The following NEGR1 variants were observed in gnomAD, a reference collection of about 807,000 sequenced individuals.
The protein encoded by NEGR1 is IgLON family member 4.
A neutral mutation model predicts 40.9 loss-of-function variants in NEGR1; 10 were observed. The observed-to-expected ratio is 0.24, with a 90% CI of 0.15 to 0.42. The LOEUF (loss-of-function observed/expected upper bound fraction) is 0.42. Ranked by LOEUF, NEGR1 falls within the 10% of genes least tolerant of loss-of-function variation. The pLI is 1.00. For missense variants in NEGR1, 352 were observed against 438.9 expected (o/e 0.80, Z 1.77); for synonymous variants, 185 against 166.8 (o/e 1.11, Z -0.84).
At chr1:71,977,943 T>C (rs2100332618) in intron 1 of NEGR1, among the ~76,000 whole-genome samples, 1 of 152,258 alleles carries the variant, frequency 6.6e-6, no homozygotes. Flanking sequence ...TTGCTGCTAA[T>C]GCTATTCCAA....
chr1:72,076,352 C>T (rs1647732883), intron 1 of NEGR1, among the ~76,000 whole-genome samples: 1 of 152,128 alleles, frequency 6.6e-6, no homozygotes, highest in Non-Finnish European at 1.5e-5. Context: ...AGGAAACAGA[C>T]CCTCGCAAGA....
intron 6 of NEGR1, among the ~76,000 whole-genome samples, chr1:71,533,170 A>G (rs1480580207): frequency 1.3e-5 from 2 of 151,580 alleles, no homozygotes; most frequent in African/African-American, 2.4e-5. Context: ...AGACTATAGC[A>G]TCAAGCTCTG....
intron 1 of NEGR1, among the ~76,000 whole-genome samples, chr1:72,014,949 C>T (rs1646695741): frequency 6.6e-6 from 1 of 151,992 alleles, no homozygotes; most frequent in South Asian, 2.1e-4. Context: ...CACCAAGGTT[C>T]AGGCATTTGG....
intron 1 of NEGR1, among the ~76,000 whole-genome samples, chr1:72,234,799 G>A (rs1371030117): frequency 6.6e-6 from 1 of 152,050 alleles, no homozygotes; most frequent in Non-Finnish European, 1.5e-5. Context: ...TGCTGGTCAG[G>A]TTGTATAGAA....
At chr1:71,520,085 C>G (rs1205638665) in intron 6 of NEGR1, among the ~76,000 whole-genome samples, 1 of 151,946 alleles carries the variant, frequency 6.6e-6, no homozygotes, top group Non-Finnish European at 1.5e-5. Flanking sequence ...GGATGAGAAA[C>G]TGGCTTAATT....
At chr1:71,842,200 C>T (rs1659265578) in intron 2 of NEGR1, among the ~76,000 whole-genome samples, 1 of 152,066 alleles carries the variant, frequency 6.6e-6, no homozygotes, top group Admixed American at 6.6e-5. Context: ...CTTTGTCACA[C>T]TTTGGGAGCT....
At chr1:72,014,507 C>T (rs749299030) in intron 1 of NEGR1, among the ~76,000 whole-genome samples, 4 of 151,950 alleles carry the variant, frequency 2.6e-5, no homozygotes, top group Non-Finnish European at 4.4e-5. Context: ...CTACTAATTT[C>T]ACTTTACAAT....
chr1:71,820,928 G>A (rs1407135345), intron 2 of NEGR1, among the ~76,000 whole-genome samples: 2 of 151,988 alleles, frequency 1.3e-5, no homozygotes, highest in Non-Finnish European at 2.9e-5. Context: ...GATTCTGAAA[G>A]ATAACTACAA....
chr1:72,095,290 A>G (rs1263179460), intron 1 of NEGR1, among the ~76,000 whole-genome samples: 1 of 152,152 alleles, frequency 6.6e-6, no homozygotes, highest in Non-Finnish European at 1.5e-5. Flanking sequence ...AAAATCTAAA[A>G]GGATACATAT....
At chr1:72,040,024 G>A (rs111379566) in intron 1 of NEGR1, among the ~76,000 whole-genome samples, 8 of 152,020 alleles carry the variant, frequency 5.3e-5, no homozygotes, top group African/African-American at 1.9e-4. Context: ...TCTAATGTGA[G>A]GCTGAGAATA....
intron 4 of NEGR1, among the ~76,000 whole-genome samples, chr1:71,632,941 T>C (rs1403374215): frequency 6.6e-6 from 1 of 152,072 alleles, no homozygotes; most frequent in African/African-American, 2.4e-5. Context: ...TGTCAATTCA[T>C]TAAGTGATTT....
At chr1:72,225,789 G>C (rs945502959) in intron 1 of NEGR1, among the ~76,000 whole-genome samples, 1 of 151,616 alleles carries the variant, frequency 6.6e-6, no homozygotes, top group Non-Finnish European at 1.5e-5. Context: ...AAGACAGAAA[G>C]AGAAATCAAA....
intron 6 of NEGR1, among the ~76,000 whole-genome samples, chr1:71,469,514 G>A (rs1384563413): frequency 6.6e-6 from 1 of 151,948 alleles, no homozygotes. Context: ...GAAAATAGGG[G>A]GCTGCAAATG....
intron 1 of NEGR1, among the ~76,000 whole-genome samples, chr1:72,244,313 T>C (rs1654836922): frequency 6.6e-6 from 1 of 151,902 alleles, no homozygotes; most frequent in African/African-American, 2.4e-5. Flanking sequence ...AAATGTTAGA[T>C]CTGTTAGATT....
At chr1:71,417,364 A>C (rs1646363215) in intron 6 of NEGR1, among the ~76,000 whole-genome samples, 1 of 152,164 alleles carries the variant, frequency 6.6e-6, no homozygotes, top group African/African-American at 2.4e-5. Context: ...TTTACTATAG[A>C]GCTGAAGAAA....
chr1:72,036,313 C>G (rs927596735), intron 1 of NEGR1, among the ~76,000 whole-genome samples: 4 of 151,724 alleles, frequency 2.6e-5, no homozygotes, highest in East Asian at 1.9e-4. Flanking sequence ...TGTGTAAAGC[C>G]CTCCTAGGCT....
In NEGR1 at chr1:71,916,582, G is replaced by A. The variant is rs531987413; in HGVS notation, c.409+18497C>T. The stretch of plus-strand genomic sequence containing the variant: ...AGCCTGGCCAACATGGTAAAACACC[G>A]TCTCTACTAAAAAAATACAAAAAAT... On this transcript the variant is annotated intron_variant, in intron 2 of 6. Coordinates refer to ENST00000357731, the MANE Select transcript of NEGR1 (RefSeq NM_173808.3). Among the ~76,000 whole-genome samples, 266 of 152,064 alleles carry A rather than the reference G, an allele frequency of 1.7e-3. 2 individuals are homozygous for A. Among genetic ancestry groups the A allele is most frequent in the African/African-American group, 6.1e-3 (254 of 41,472 alleles).
intron 1 of NEGR1, among the ~76,000 whole-genome samples, chr1:71,958,089 T>A (rs949387895): frequency 3.9e-5 from 6 of 152,226 alleles, no homozygotes; most frequent in South Asian, 2.1e-4. Context: ...TCCACTGAAG[T>A]ATGTGCAATT....
chr1:71,572,081 A>T (rs1429430542), intron 6 of NEGR1, among the ~76,000 whole-genome samples: 3 of 152,152 alleles, frequency 2.0e-5, no homozygotes, highest in African/African-American at 7.2e-5. Context: ...CTTTTATATT[A>T]GAATACTGAT....
Sources: gnomAD v4.1 joint callset for allele counts (sites outside exome capture counted in the v4.1 genomes callset) on GRCh38, gnomAD v4.1.1 for gene constraint, MANE v1.5 for transcripts, NCBI Gene and HGNC (gene_info 2026-07-23, HGNC 2026-07-21) for gene names.